Variants in ABI1 observed in about 807,000 individuals in gnomAD.
ABI1 encodes the protein Abelson interactor 1.
In ABI1, 14 loss-of-function variants were observed where a neutral mutation model predicts 54.6. That is an observed-to-expected ratio of 0.26 (90% CI 0.17 to 0.40). The LOEUF (loss-of-function observed/expected upper bound fraction) is 0.40. ABI1 is among the 10% of genes least tolerant of loss of function. The probability of loss-of-function intolerance (pLI) is 1.00; values close to 1 mark genes in which losing one functional copy is unlikely to be tolerated. For missense variants in ABI1, 443 were observed against 598.3 expected, an observed-to-expected ratio of 0.74 and a Z score of 2.71; for synonymous variants, 194 against 209.3, an observed-to-expected ratio of 0.93 and a Z score of 0.63.
chr10:26,766,825 A>T lies in ABI1; in HGVS notation c.720-1507T>A, dbSNP rs116627196. ...TATTTTTTAATAGTTAAAAAAATCA[A>T]GAGGAATAATATTTTGTAACACATT... is the stretch of plus-strand genomic sequence containing the variant. On this transcript the variant is annotated intron_variant, in intron 6 of 10. Transcript: ENST00000376140. Among the ~76,000 whole-genome samples the T allele has an allele frequency of 3.1e-3, 470 of 152,346 alleles. 1 individual carries two copies. The highest frequency in any genetic ancestry group is 0.01 in the African/African-American group (434 of 41,574).
intron 1 of ABI1, among the ~76,000 whole-genome samples, chr10:26,827,848 C>A (rs1404641216): frequency 6.6e-6 from 1 of 152,224 alleles, no homozygotes; most frequent in African/African-American, 2.4e-5. Context: ...CCACCTCAGC[C>A]TCCCAAAGTG....
intron 2 of ABI1, among the ~76,000 whole-genome samples, chr10:26,817,836 T>TA (rs759633391): frequency 2.1e-4 from 32 of 151,938 alleles, no homozygotes; most frequent in Non-Finnish European, 4.3e-4. Context: ...TCCAAGGGAA[T>TA]AAAAACCACC....
chr10:26,780,041 C>T (rs1841901252), intron 2 of ABI1, among the ~76,000 whole-genome samples: 1 of 152,114 alleles, frequency 6.6e-6, no homozygotes, highest in Admixed American at 6.6e-5. Context: ...ATAATCTTGA[C>T]ATTATCTTAA....
intron 1 of ABI1, among the ~76,000 whole-genome samples, chr10:26,852,277 C>T (rs550253850): frequency 4.7e-4 from 72 of 152,126 alleles, no homozygotes; most frequent in African/African-American, 1.7e-3. Flanking sequence ...GTTGGGAGTT[C>T]GAGACCAGCC....
intron 1 of ABI1, among the ~76,000 whole-genome samples, chr10:26,839,103 T>C (rs543955213): frequency 6.6e-6 from 1 of 152,358 alleles, no homozygotes; most frequent in South Asian, 2.1e-4. Context: ...GTTCTACACA[T>C]AGGGTTCTAT....
chr10:26,821,473 A>G (rs1017050005), intron 2 of ABI1, among the ~76,000 whole-genome samples: 1 of 152,144 alleles, frequency 6.6e-6, no homozygotes, highest in South Asian at 2.1e-4. Context: ...GAGCAATGTG[A>G]AATTATTATA....
At chr10:26,786,509 C>A (rs1842751370) in intron 2 of ABI1, among the ~76,000 whole-genome samples, 1 of 151,910 alleles carries the variant, frequency 6.6e-6, no homozygotes, top group African/African-American at 2.4e-5. Flanking sequence ...CATGAGCCAC[C>A]ATGCCCCGCC....
At chr10:26,750,295 A>T (rs138562954) in intron 10 of ABI1, among the ~76,000 whole-genome samples, 2,363 of 152,324 alleles carry the variant, frequency 0.016, 52 homozygotes, top group African/African-American at 0.054. Context: ...GGAGTTCAAG[A>T]CCAGCCTGGC....
intron 8 of ABI1, among the ~76,000 whole-genome samples, chr10:26,756,021 G>A (rs1305335937): frequency 1.3e-5 from 2 of 152,142 alleles, no homozygotes; most frequent in Non-Finnish European, 2.9e-5. Flanking sequence ...ATTGTTTGGG[G>A]AGGATTTAAA....
intron 7 of ABI1, chr10:26,763,922 C>G: frequency 6.2e-7 from 1 of 1,613,216 alleles, no homozygotes; most frequent in Non-Finnish European, 8.5e-7. Context: ...AGAGGTGGTG[C>G]TGGTGGAGCT....
intron 1 of ABI1, among the ~76,000 whole-genome samples, chr10:26,830,624 T>TAAA (rs71403893): frequency 4.0e-5 from 5 of 126,318 alleles, no homozygotes; most frequent in South Asian, 2.7e-4. Context: ...CTGTCTCCTT[T>TAAA]AAAAAAAAAA....
intron 7 of ABI1, among the ~76,000 whole-genome samples, chr10:26,759,994 T>C (rs1838909895): frequency 6.6e-6 from 1 of 151,950 alleles, no homozygotes; most frequent in African/African-American, 2.4e-5. Flanking sequence ...AAATATGGCA[T>C]TTTAAGGTAG....
chr10:26,844,962 C>A (rs1258855386), intron 1 of ABI1, among the ~76,000 whole-genome samples: 3 of 152,094 alleles, frequency 2.0e-5, no homozygotes, highest in African/African-American at 7.2e-5. Flanking sequence ...CCATCCCGTA[C>A]CAATGTAAGA....
intron 7 of ABI1, among the ~76,000 whole-genome samples, chr10:26,762,592 T>A (rs541009310): frequency 2.0e-5 from 3 of 152,160 alleles, no homozygotes; most frequent in Non-Finnish European, 2.9e-5. Flanking sequence ...AACTGATATA[T>A]CTTTAAAACA....
intron 8 of ABI1, among the ~76,000 whole-genome samples, chr10:26,758,697 T>C (rs1214839312): frequency 6.6e-6 from 1 of 152,240 alleles, no homozygotes; most frequent in East Asian, 1.9e-4. Flanking sequence ...GTGTCTTTAA[T>C]TTTACCATTA....
chr10:26,779,319 G>A (rs983305055), intron 2 of ABI1, among the ~76,000 whole-genome samples: 7 of 152,198 alleles, frequency 4.6e-5, no homozygotes, highest in African/African-American at 1.7e-4. Context: ...GGAAGTTTCA[G>A]GATAAGTACC....
In ABI1 at chr10:26,748,414, GA is replaced by G. The variant is rs1251258988; in HGVS notation, c.*155del. ...TCAGCAATACATAAACTGCCTCAAAGATTTATGCTTACAGGTAGACATTCAA... is the reference window on the plus strand; with the variant it reads ...TCAGCAATACATAAACTGCCTCAAAGTTTATGCTTACAGGTAGACATTCAA... On this transcript the variant is annotated 3_prime_UTR_variant, in exon 11 of 11. Coordinates refer to ENST00000376140, the MANE Select transcript of ABI1 (RefSeq NM_001012750.3). 1.7e-5 allele frequency: 10 copies of G among 577,168 alleles called. No homozygotes were observed. The highest frequency in any genetic ancestry group is 1.3e-4 in the African/African-American group (7 of 54,030). 35.8% of individuals were successfully genotyped at this position (577,168 alleles called of 1,614,324 possible).
intron 1 of ABI1, among the ~76,000 whole-genome samples, chr10:26,827,849 T>A (rs2048412197): frequency 6.6e-6 from 1 of 152,096 alleles, no homozygotes; most frequent in South Asian, 2.1e-4. Flanking sequence ...CACCTCAGCC[T>A]CCCAAAGTGC....
intron 2 of ABI1, among the ~76,000 whole-genome samples, chr10:26,779,727 C>T (rs1447140595): frequency 6.6e-6 from 1 of 152,156 alleles, no homozygotes; most frequent in African/African-American, 2.4e-5. Context: ...CCGCAGTCTA[C>T]CTTGTCAACA....
Sources: allele counts gnomAD v4.1 joint callset (sites outside exome capture counted in the v4.1 genomes callset), GRCh38; gene constraint gnomAD v4.1.1; transcripts MANE v1.5; gene names NCBI Gene and HGNC (gene_info 2026-07-23, HGNC 2026-07-21).